Variants in DNAAF4 observed in about 807,000 individuals in gnomAD.
The protein encoded by DNAAF4 is dynein axonemal assembly factor 4, also known as dynein assembly factor 4, axonemal.
In DNAAF4, 43 loss-of-function variants were observed where a neutral mutation model predicts 51.8. That is an observed-to-expected ratio of 0.83 (90% CI 0.65 to 1.07). The LOEUF (loss-of-function observed/expected upper bound fraction) is 1.07. DNAAF4 is among the 50% of genes least tolerant of loss of function. The pLI is 0.00. For synonymous variants in DNAAF4, 194 were observed against 165.6 expected, an observed-to-expected ratio of 1.17 and a Z score of -1.32; for missense variants, 581 against 493.0, an observed-to-expected ratio of 1.18 and a Z score of -1.69.
At chr15:55,419,159 G>A (rs1033859027) in intron 7 of DNAAF4, among the ~76,000 whole-genome samples, 3 of 152,068 alleles carry the variant, frequency 2.0e-5, no homozygotes, top group African/African-American at 4.8e-5. Flanking sequence ...CTGGTGATCC[G>A]CCTGCCTCGG....
intron 5 of DNAAF4, among the ~76,000 whole-genome samples, chr15:55,450,900 C>G (rs1489479431): frequency 6.6e-6 from 1 of 152,150 alleles, no homozygotes. Context: ...GAGTTCAAGA[C>G]CAGCCTGGCC....
chr15:55,498,582 C>T lies in DNAAF4; in HGVS notation c.-253G>A, dbSNP rs990624231. On this transcript the variant is annotated splice_region_variant and 5_prime_UTR_variant, in exon 2 of 10. Coordinates refer to ENST00000321149, the MANE Select transcript of DNAAF4 (RefSeq NM_130810.4). ...AATGTTCAAAGAAGTAGACCCATACCCTCTGCTTGAGAAAAAAAAAAAAAA... is the reference window on the plus strand; with the variant it reads ...AATGTTCAAAGAAGTAGACCCATACTCTCTGCTTGAGAAAAAAAAAAAAAA... The T allele has an allele frequency of 2.4e-5, 6 of 253,900 alleles. No homozygotes were observed. Among genetic ancestry groups the T allele is most frequent in the African/African-American group, 2.1e-4 (5 of 23,930 alleles). 15.7% of individuals were successfully genotyped at this position (253,900 alleles called of 1,614,324 possible). A position where few individuals can be genotyped will look rare whatever the true frequency, so the allele number is the denominator to read the frequency against.
At chr15:55,458,613 T>G (rs1258561674) in intron 5 of DNAAF4, among the ~76,000 whole-genome samples, 1 of 152,188 alleles carries the variant, frequency 6.6e-6, no homozygotes, top group Non-Finnish European at 1.5e-5. Context: ...TTGGAAAACA[T>G]ACTTGAGGGA....
chr15:55,504,144 C>A (rs1240693086), intron 1 of DNAAF4, among the ~76,000 whole-genome samples: 2 of 152,158 alleles, frequency 1.3e-5, no homozygotes, highest in Non-Finnish European at 2.9e-5. Flanking sequence ...GACAGAGAAC[C>A]AAATCATGAG....
chr15:55,435,721 AT>A (rs1300808465), intron 7 of DNAAF4, among the ~76,000 whole-genome samples: 1 of 152,198 alleles, frequency 6.6e-6, no homozygotes, highest in Non-Finnish European at 1.5e-5. Flanking sequence ...ATGTTCCAAA[AT>A]TCTCTTCAAA....
chr15:55,434,665 C>T (rs912821492), intron 8 of DNAAF4, among the ~76,000 whole-genome samples: 9 of 151,900 alleles, frequency 5.9e-5, no homozygotes, highest in African/African-American at 1.9e-4. Flanking sequence ...AGACCCACTG[C>T]GCCCGGCCAG....
chr15:55,459,211 T>A (rs936688607), intron 5 of DNAAF4, among the ~76,000 whole-genome samples: 3 of 152,072 alleles, frequency 2.0e-5, no homozygotes, highest in Admixed American at 6.6e-5. Flanking sequence ...TTAGCCTCCT[T>A]AAACAAAATA....
intron 7 of DNAAF4, among the ~76,000 whole-genome samples, chr15:55,420,628 A>G (rs538453460): frequency 6.6e-5 from 10 of 152,322 alleles, no homozygotes; most frequent in Middle Eastern, 3.4e-3. Flanking sequence ...TAATGGCACA[A>G]GCAAGAAGAA....
intron 8 of DNAAF4, among the ~76,000 whole-genome samples, chr15:55,432,885 G>A (rs1288055064): frequency 1.3e-5 from 2 of 152,104 alleles, no homozygotes; most frequent in Admixed American, 1.3e-4. Context: ...GGGAGGCAGA[G>A]CTTGCAGAGA....
At chr15:55,460,282 C>A (rs1340679490) in intron 5 of DNAAF4, among the ~76,000 whole-genome samples, 4 of 151,248 alleles carry the variant, frequency 2.6e-5, no homozygotes. Flanking sequence ...CAGATTCATG[C>A]AATTCTCCTG....
chr15:55,489,944 G>A (rs964462766), intron 4 of DNAAF4, among the ~76,000 whole-genome samples: 9 of 147,706 alleles, frequency 6.1e-5, no homozygotes, highest in Non-Finnish European at 1.3e-4. Flanking sequence ...CGCAATCTCC[G>A]CTCACTGCAA....
At chr15:55,445,693 AC>A (rs1168023535) in intron 6 of DNAAF4, among the ~76,000 whole-genome samples, 1 of 139,650 alleles carries the variant, frequency 7.2e-6, no homozygotes, top group Non-Finnish European at 1.5e-5. Flanking sequence ...CACCTCCCAA[AC>A]GAAGGGCACC....
At chr15:55,501,576 C>T (rs1209444565) in intron 1 of DNAAF4, among the ~76,000 whole-genome samples, 1 of 150,496 alleles carries the variant, frequency 6.6e-6, no homozygotes, top group Non-Finnish European at 1.5e-5. Context: ...GGGGTTTCAC[C>T]GTGTTAGCCA....
At chr15:55,504,524 C>G (rs1289470162) in intron 1 of DNAAF4, among the ~76,000 whole-genome samples, 1 of 152,182 alleles carries the variant, frequency 6.6e-6, no homozygotes, top group African/African-American at 2.4e-5. Flanking sequence ...TCAAACTATA[C>G]TACAAGGCTA....
intron 1 of DNAAF4, among the ~76,000 whole-genome samples, chr15:55,501,185 T>C (rs2058695832): frequency 6.7e-6 from 1 of 149,500 alleles, no homozygotes; most frequent in Non-Finnish European, 1.5e-5. Context: ...TGCCTCAGCC[T>C]CCTGAGTAGC....
At chr15:55,482,911 G>T (rs1462224810) in intron 4 of DNAAF4, among the ~76,000 whole-genome samples, 1 of 152,030 alleles carries the variant, frequency 6.6e-6, no homozygotes, top group Non-Finnish European at 1.5e-5. Context: ...TATACATTTT[G>T]CTAAGTGAAA....
intron 5 of DNAAF4, among the ~76,000 whole-genome samples, chr15:55,453,649 C>A (rs1243012830): frequency 6.8e-6 from 1 of 146,572 alleles, no homozygotes; most frequent in Non-Finnish European, 1.5e-5. Flanking sequence ...CTCCCGGGTT[C>A]ACGCCATTCT....
At chr15:55,473,823 C>G (rs1457344004) in intron 4 of DNAAF4, among the ~76,000 whole-genome samples, 2 of 151,622 alleles carry the variant, frequency 1.3e-5, no homozygotes, top group Non-Finnish European at 2.9e-5. Context: ...AAACCCCTAT[C>G]TCTACAAAAA....
At chr15:55,453,652 G>A (rs1391594303) in intron 5 of DNAAF4, among the ~76,000 whole-genome samples, 2 of 146,698 alleles carry the variant, frequency 1.4e-5, no homozygotes, top group African/African-American at 5.1e-5. Flanking sequence ...CCGGGTTCAC[G>A]CCATTCTCCT....
Sources: allele counts gnomAD v4.1 joint callset (sites outside exome capture counted in the v4.1 genomes callset), GRCh38; gene constraint gnomAD v4.1.1; transcripts MANE v1.5; gene names NCBI Gene and HGNC (gene_info 2026-07-23, HGNC 2026-07-21).